The following ERC1 variants were observed in gnomAD, a reference collection of about 807,000 sequenced individuals.
ERC1 encodes the protein RAB6 interacting protein 2.
Under a neutral mutation model 132.0 loss-of-function variants are expected in ERC1, and 56 were observed. That is an observed-to-expected ratio of 0.42 (90% CI 0.34 to 0.53). The LOEUF (loss-of-function observed/expected upper bound fraction) is 0.53. Among genes scored for constraint, ERC1 ranks in the 20% least tolerant of loss-of-function variants. The pLI is 0.03. For synonymous variants in ERC1, 478 were observed against 476.1 expected (o/e 1.00, Z -0.05); for missense variants, 1,202 against 1,349.9 (o/e 0.89, Z 1.72).
chr12:1,476,325 G>A (rs138093313), intron 18 of ERC1, among the ~76,000 whole-genome samples: 29 of 151,686 alleles, frequency 1.9e-4, no homozygotes, highest in African/African-American at 6.5e-4. Context: ...GGAAGCTGAT[G>A]CAGGAGGATC....
At chr12:1,349,519 C>T (rs1344117008) in intron 15 of ERC1, among the ~76,000 whole-genome samples, 2 of 152,008 alleles carry the variant, frequency 1.3e-5, no homozygotes, top group East Asian at 1.9e-4. Flanking sequence ...CAAAAATTAG[C>T]CAGGCATAGT....
intron 12 of ERC1, among the ~76,000 whole-genome samples, chr12:1,190,714 G>A (rs914484318): frequency 5.9e-5 from 9 of 152,162 alleles, no homozygotes; most frequent in African/African-American, 2.2e-4. Context: ...TCAAGCATGT[G>A]CCTCTTGACC....
chr12:1,402,108 G>T (rs1410385894), intron 16 of ERC1, among the ~76,000 whole-genome samples: 1 of 152,116 alleles, frequency 6.6e-6, no homozygotes, highest in Non-Finnish European at 1.5e-5. Context: ...TAAGGAAATT[G>T]CAAATATTGT....
At chr12:1,226,284 T>TAA in intron 12 of ERC1, among the ~76,000 whole-genome samples, 1 of 152,242 alleles carries the variant, frequency 6.6e-6, no homozygotes, top group Non-Finnish European at 1.5e-5. Context: ...CCCAGCTTTA[T>TAA]TGAGCTATAA....
At chr12:1,321,067 G>A (rs529706150) in intron 15 of ERC1, among the ~76,000 whole-genome samples, 1 of 152,334 alleles carries the variant, frequency 6.6e-6, no homozygotes, top group South Asian at 2.1e-4. Flanking sequence ...TTTACAAGGG[G>A]AAGGGTATAA....
intron 18 of ERC1, among the ~76,000 whole-genome samples, chr12:1,487,202 G>A (rs998474998): frequency 2.6e-5 from 4 of 152,098 alleles, no homozygotes; most frequent in Admixed American, 6.6e-5. Context: ...GGTCTAAATC[G>A]GGCCCCTCAG....
chr12:1,410,449 G>A (rs1455178755), intron 17 of ERC1: 1 of 1,303,936 alleles, frequency 7.7e-7, no homozygotes, highest in Admixed American at 2.2e-5. Flanking sequence ...ATTTTGTTCA[G>A]AACGGTGAGA....
At chr12:1,322,052 T>C (rs568289001) in intron 15 of ERC1, among the ~76,000 whole-genome samples, 1 of 152,330 alleles carries the variant, frequency 6.6e-6, no homozygotes, top group South Asian at 2.1e-4. Context: ...CCTCTGTGTT[T>C]TGATGCTTTG....
intron 15 of ERC1, among the ~76,000 whole-genome samples, chr12:1,319,238 A>G (rs2081961311): frequency 6.6e-6 from 1 of 152,230 alleles, no homozygotes; most frequent in Admixed American, 6.5e-5. Flanking sequence ...AGTTCTGCTA[A>G]GAGTGAAACT....
At chr12:1,061,694 T>C (rs1937944859) in intron 2 of ERC1, among the ~76,000 whole-genome samples, 1 of 140,010 alleles carries the variant, frequency 7.1e-6, no homozygotes, top group Admixed American at 7.0e-5. Context: ...TTATCTAATC[T>C]AATTGAATCT....
chr12:1,074,874 A>G (rs1357642708), intron 2 of ERC1, among the ~76,000 whole-genome samples: 1 of 152,112 alleles, frequency 6.6e-6, no homozygotes, highest in Middle Eastern at 3.2e-3. Context: ...TTGGTTAGTA[A>G]GCTCCAAATA....
At chr12:1,434,618 G>A (rs796310099) in intron 17 of ERC1, among the ~76,000 whole-genome samples, 16 of 152,308 alleles carry the variant, frequency 1.1e-4, no homozygotes, top group African/African-American at 3.6e-4. Context: ...CTACCCTTCA[G>A]AATTGATCTC....
In ERC1 at chr12:1,174,105, C is replaced by T. The variant is rs547242120; in HGVS notation, c.1738-6435C>T. Among the ~76,000 whole-genome samples the T allele has an allele frequency of 1.5e-3, 225 of 152,344 alleles. 1 individual carries two copies. The highest frequency in any genetic ancestry group is 5.3e-3 in the African/African-American group (221 of 41,566). On this transcript the variant is annotated intron_variant, in intron 8 of 18. Transcript: ENST00000360905. ...CATTCAGTGGGGCTCAGCTGTTAGC[C>T]ATCATGATGCTGGATAAACGGAAAG...
intron 2 of ERC1, among the ~76,000 whole-genome samples, chr12:1,081,728 G>A (rs1051928428): frequency 5.9e-5 from 9 of 152,092 alleles, no homozygotes; most frequent in Non-Finnish European, 1.3e-4. Context: ...CTAATCAACA[G>A]GAATATAAAC....
intron 3 of ERC1, among the ~76,000 whole-genome samples, chr12:1,096,021 G>A (rs1318162776): frequency 6.6e-6 from 1 of 151,714 alleles, no homozygotes; most frequent in African/African-American, 2.4e-5. Flanking sequence ...CACCTCCCAG[G>A]CTCAAGCAGT....
intron 16 of ERC1, among the ~76,000 whole-genome samples, chr12:1,400,194 CT>C (rs1270842688): frequency 2.0e-5 from 3 of 152,298 alleles, no homozygotes; most frequent in Admixed American, 2.0e-4. Context: ...TGTTGCACAT[CT>C]TTTCTTGTGC....
intron 3 of ERC1, among the ~76,000 whole-genome samples, chr12:1,099,031 CTTCTGAGAG>C (rs1383669538): frequency 6.6e-6 from 1 of 152,114 alleles, no homozygotes; most frequent in Non-Finnish European, 1.5e-5. Flanking sequence ...GCTTTGAATG[CTTCTGAGAG>C]TTCCAGGGAG....
chr12:1,129,236 G>A (rs1948508100), intron 7 of ERC1, among the ~76,000 whole-genome samples: 1 of 152,184 alleles, frequency 6.6e-6, no homozygotes, highest in South Asian at 2.1e-4. Flanking sequence ...CCTAGTGGAG[G>A]TCAAGGTAGG....
chr12:1,178,098 T>C (rs958025002), intron 8 of ERC1, among the ~76,000 whole-genome samples: 1 of 152,216 alleles, frequency 6.6e-6, no homozygotes, highest in Non-Finnish European at 1.5e-5. Context: ...AGTGAAAATG[T>C]AAGCTTCAGC....
Sources: allele counts gnomAD v4.1 joint callset (sites outside exome capture counted in the v4.1 genomes callset), GRCh38; gene constraint gnomAD v4.1.1; transcripts MANE v1.5; gene names NCBI Gene and HGNC (gene_info 2026-07-23, HGNC 2026-07-21).